Variants in ROBO2 observed in about 807,000 individuals in gnomAD.
ROBO2 encodes roundabout guidance receptor 2.
ROBO2 carries 53 observed loss-of-function variants against 160.8 expected under a neutral mutation model. That is an observed-to-expected ratio of 0.33 (90% CI 0.26 to 0.41). The LOEUF is 0.41. Among genes scored for constraint, ROBO2 ranks in the 10% least tolerant of loss-of-function variants. ROBO2 has a pLI of 1.00. For missense variants in ROBO2, 1,577 were observed against 1,722.4 expected, an observed-to-expected ratio of 0.92 and a Z score of 1.49; for synonymous variants, 664 against 611.7, an observed-to-expected ratio of 1.09 and a Z score of -1.26.
chr3:76,719,040 CACTT>C (rs1426715863), intron 2 of ROBO2, among the ~76,000 whole-genome samples: 1 of 151,956 alleles, frequency 6.6e-6, no homozygotes, highest in African/African-American at 2.4e-5. Flanking sequence ...TAAATAAAAT[CACTT>C]ACGCATTCCC....
At chr3:77,615,067 C>CTT in intron 21 of ROBO2, among the ~76,000 whole-genome samples, 1 of 152,262 alleles carries the variant, frequency 6.6e-6, no homozygotes, top group Non-Finnish European at 1.5e-5. Context: ...TTTATGGCAT[C>CTT]TTGCATCACT....
At chr3:76,710,435 T>A (rs1267761342) in intron 2 of ROBO2, among the ~76,000 whole-genome samples, 1 of 152,114 alleles carries the variant, frequency 6.6e-6, no homozygotes, top group African/African-American at 2.4e-5. Context: ...ATTCTCATAT[T>A]CAGAAAAAGG....
chr3:76,491,359 A>T (rs1284334575), intron 2 of ROBO2, among the ~76,000 whole-genome samples: 2 of 152,170 alleles, frequency 1.3e-5, no homozygotes, highest in Non-Finnish European at 2.9e-5. Flanking sequence ...TTGTAAATTA[A>T]TACTTGCATG....
chr3:76,493,171 C>T (rs112433724), intron 2 of ROBO2, among the ~76,000 whole-genome samples: 2,056 of 151,622 alleles, frequency 0.014, 60 homozygotes, highest in African/African-American at 0.047. Context: ...TGTCAACCAT[C>T]GCACTTTCTT....
chr3:76,993,428 G>C (rs1348714077), intron 2 of ROBO2, among the ~76,000 whole-genome samples: 1 of 152,122 alleles, frequency 6.6e-6, no homozygotes, highest in African/African-American at 2.4e-5. Flanking sequence ...GTTTGTTCTA[G>C]ATCACTATCC....
At chr3:76,535,584 T>C (rs1271216966) in intron 2 of ROBO2, among the ~76,000 whole-genome samples, 6 of 151,976 alleles carry the variant, frequency 3.9e-5, no homozygotes, top group Middle Eastern at 6.8e-3. Context: ...AGCCCAGGAA[T>C]AGTCAGGGAA....
At chr3:76,692,910 G>T (rs1418706752) in intron 2 of ROBO2, among the ~76,000 whole-genome samples, 2 of 150,428 alleles carry the variant, frequency 1.3e-5, no homozygotes, top group South Asian at 2.1e-4. Flanking sequence ...TATATATATA[G>T]TGTGTGTGTA....
intron 2 of ROBO2, among the ~76,000 whole-genome samples, chr3:76,481,507 A>G (rs1448328813): frequency 6.6e-6 from 1 of 152,138 alleles, no homozygotes; most frequent in Non-Finnish European, 1.5e-5. Flanking sequence ...AATTTACTGC[A>G]TGGTCAATGC....
At chr3:76,953,657 G>T (rs921395526) in intron 2 of ROBO2, among the ~76,000 whole-genome samples, 10 of 152,132 alleles carry the variant, frequency 6.6e-5, no homozygotes, top group African/African-American at 2.4e-4. Flanking sequence ...TATATTTCTG[G>T]TTAAGCAAGT....
Position 77,617,782 on chromosome 3 carries a change from C to A in ROBO2, c.3554+9C>A. 1 of 1,610,262 alleles carries A rather than the reference C, an allele frequency of 6.2e-7. No homozygotes were observed. Among genetic ancestry groups the A allele is most frequent in the Non-Finnish European group, 8.5e-7 (1 of 1,179,810 alleles). On this transcript the variant is annotated intron_variant, in intron 22 of 25. Coordinates refer to ENST00000461745, the Ensembl canonical transcript of ROBO2. ...ATAGCAAAACAAACATGGTAAATAT[C>A]TTCATTAAGTCAAGAGACCCATGCT...
At chr3:76,550,364 C>T (rs1165648691) in intron 2 of ROBO2, among the ~76,000 whole-genome samples, 1 of 152,212 alleles carries the variant, frequency 6.6e-6, no homozygotes, top group African/African-American at 2.4e-5. Flanking sequence ...CCCTCTGTAT[C>T]CATAAATTCC....
intron 2 of ROBO2, among the ~76,000 whole-genome samples, chr3:76,028,583 G>C (rs549793578): frequency 6.6e-6 from 1 of 151,750 alleles, no homozygotes; most frequent in South Asian, 2.1e-4. Flanking sequence ...AAGAACTAGG[G>C]CATGCATTAA....
At chr3:77,176,651 G>C (rs2080189264) in intron 2 of ROBO2, among the ~76,000 whole-genome samples, 1 of 151,914 alleles carries the variant, frequency 6.6e-6, no homozygotes, top group African/African-American at 2.4e-5. Context: ...GATCTCACTA[G>C]AGCCACACAT....
At chr3:76,873,334 G>T (rs1462829804) in intron 2 of ROBO2, among the ~76,000 whole-genome samples, 1 of 152,130 alleles carries the variant, frequency 6.6e-6, no homozygotes, top group Non-Finnish European at 1.5e-5. Flanking sequence ...TTTAAATCTA[G>T]CATCCAGAAT....
intron 2 of ROBO2, among the ~76,000 whole-genome samples, chr3:77,180,316 T>G (rs560268170): frequency 2.5e-4 from 38 of 150,500 alleles, no homozygotes; most frequent in African/African-American, 9.3e-4. Flanking sequence ...AAAAATCAGT[T>G]TAGAACAAAT....
At chr3:77,268,068 T>C (rs1202390063) in intron 2 of ROBO2, among the ~76,000 whole-genome samples, 1 of 152,226 alleles carries the variant, frequency 6.6e-6, no homozygotes, top group African/African-American at 2.4e-5. Context: ...TGCATTTGGA[T>C]GTAGTAGGGT....
At chr3:77,410,756 TTCC>T (rs750014587) in intron 2 of ROBO2, among the ~76,000 whole-genome samples, 16 of 72,730 alleles carry the variant, frequency 2.2e-4, no homozygotes, top group East Asian at 5.5e-4. Flanking sequence ...CCTCCTCCTC[TTCC>T]TCCTCCTCCT....
At chr3:75,912,146 A>AT in intron 1 of ROBO2, among the ~76,000 whole-genome samples, 1 of 152,278 alleles carries the variant, frequency 6.6e-6, no homozygotes, top group Admixed American at 6.5e-5. Flanking sequence ...TAGAATGAGT[A>AT]TTTTTATAAC....
intron 2 of ROBO2, among the ~76,000 whole-genome samples, chr3:77,329,046 T>C (rs757737401): frequency 8.5e-5 from 13 of 152,216 alleles, no homozygotes; most frequent in Admixed American, 2.0e-4. Flanking sequence ...TGCTTTCTGA[T>C]GTGTTGATCC....
Sources: allele counts gnomAD v4.1 joint callset (sites outside exome capture counted in the v4.1 genomes callset), GRCh38; gene constraint gnomAD v4.1.1; transcripts MANE v1.5; gene names NCBI Gene and HGNC (gene_info 2026-07-23, HGNC 2026-07-21).